The following PRKCH variants were observed in gnomAD, a reference collection of about 807,000 sequenced individuals.
PRKCH encodes protein kinase C eta.
A neutral mutation model predicts 82.5 loss-of-function variants in PRKCH; 28 were observed. The observed-to-expected ratio is 0.34, with a 90% CI of 0.25 to 0.47. The LOEUF (loss-of-function observed/expected upper bound fraction) is 0.47, where lower values mean the gene tolerates loss of function less well. Ranked by LOEUF, PRKCH falls within the 20% of genes least tolerant of loss-of-function variation. The probability of loss-of-function intolerance (pLI) is 1.00; values close to 1 mark genes in which losing one functional copy is unlikely to be tolerated. For synonymous variants in PRKCH, 322 were observed against 327.4 expected (o/e 0.98, Z 0.18); for missense variants, 705 against 881.8 (o/e 0.80, Z 2.54).
chr14:61,494,819 C>G (rs1316793037), intron 10 of PRKCH, among the ~76,000 whole-genome samples: 3 of 152,202 alleles, frequency 2.0e-5, no homozygotes, highest in African/African-American at 2.4e-5. Context: ...GAAGACCAGT[C>G]TCTATAGTAA....
rs139575457 is a variant in PRKCH, at chr14:61,532,208, A to C, written c.1761+1613A>C. On this transcript the variant is annotated intron_variant, in intron 12 of 13. Transcript: ENST00000332981. ...AGTAGTTTTAATATTTAGATGAAGG[A>C]CCCCACAGTTCATAATTCAAATTAA... Among the ~76,000 whole-genome samples the C allele has an allele frequency of 1.3e-3, 198 of 152,280 alleles. 1 individual carries two copies. Among genetic ancestry groups the C allele is most frequent in the African/African-American group, 4.6e-3 (192 of 41,566 alleles).
intron 2 of PRKCH, among the ~76,000 whole-genome samples, chr14:61,422,705 C>A (rs1403028259): frequency 1.3e-5 from 2 of 152,322 alleles, no homozygotes; most frequent in East Asian, 1.9e-4. Context: ...TCCTCCTAGA[C>A]CACTGGTTTT....
chr14:61,444,264 G>A (rs565264629), intron 3 of PRKCH, among the ~76,000 whole-genome samples: 116 of 152,228 alleles, frequency 7.6e-4, no homozygotes, highest in Middle Eastern at 6.8e-3. Flanking sequence ...GGAAAAAATT[G>A]TATTACTTTT....
intron 1 of PRKCH, among the ~76,000 whole-genome samples, chr14:61,383,592 C>T (rs751081245): frequency 3.3e-5 from 5 of 152,000 alleles, no homozygotes; most frequent in African/African-American, 7.3e-5. Context: ...CTTCTGTGCT[C>T]GGTAACCCAT....
intron 1 of PRKCH, among the ~76,000 whole-genome samples, chr14:61,330,348 G>A (rs188024653): frequency 4.6e-5 from 7 of 152,290 alleles, no homozygotes; most frequent in Admixed American, 3.3e-4. Context: ...GAGGGACATC[G>A]CAGATGCCCT....
At chr14:61,190,579 A>C (rs2044400187) in intron 1 of PRKCH, among the ~76,000 whole-genome samples, 1 of 152,176 alleles carries the variant, frequency 6.6e-6, no homozygotes, top group African/African-American at 2.4e-5. Context: ...CTTGTACTTA[A>C]TGTGAAATCT....
intron 10 of PRKCH, among the ~76,000 whole-genome samples, chr14:61,502,059 TC>T (rs1566916539): frequency 3.2e-4 from 30 of 93,028 alleles, no homozygotes; most frequent in African/African-American, 9.0e-4. Flanking sequence ...TCTTTTCTTT[TC>T]TTTTCTTTTT....
At chr14:61,341,156 C>G (rs2045926211) in intron 1 of PRKCH, among the ~76,000 whole-genome samples, 2 of 152,176 alleles carry the variant, frequency 1.3e-5, no homozygotes, top group Admixed American at 1.3e-4. Context: ...AAAGTTCAGG[C>G]TCCTGGGGAG....
chr14:61,320,489 C>T (rs1032147263), upstream of PRKCH, among the ~76,000 whole-genome samples: 1 of 152,174 alleles, frequency 6.6e-6, no homozygotes, highest in African/African-American at 2.4e-5. Flanking sequence ...ATTCCAGCTA[C>T]TCGGGAGGCT....
chr14:61,429,796 A>G (rs970290476), intron 2 of PRKCH, among the ~76,000 whole-genome samples: 26 of 151,476 alleles, frequency 1.7e-4, no homozygotes, highest in Middle Eastern at 3.4e-3. Flanking sequence ...TTAAAATTTA[A>G]CTAGTTTCTC....
At chr14:61,402,026 A>T (rs538422765) in intron 2 of PRKCH, among the ~76,000 whole-genome samples, 1 of 152,362 alleles carries the variant, frequency 6.6e-6, no homozygotes, top group Non-Finnish European at 1.5e-5. Context: ...TCAAAACATA[A>T]TTCGAATTTT....
At chr14:61,287,469 G>C (rs570945993) in intron 1 of PRKCH, among the ~76,000 whole-genome samples, 6 of 152,182 alleles carry the variant, frequency 3.9e-5, no homozygotes, top group African/African-American at 1.4e-4. Flanking sequence ...CCAGCGCTTT[G>C]AGAGGCCAAG....
At chr14:61,381,692 CG>C (rs1322754082) in intron 1 of PRKCH, among the ~76,000 whole-genome samples, 4 of 152,232 alleles carry the variant, frequency 2.6e-5, no homozygotes, top group African/African-American at 7.2e-5. Flanking sequence ...AACCATCCAG[CG>C]GCACATCAGG....
At chr14:61,235,938 T>C (rs2044784265) in intron 1 of PRKCH, among the ~76,000 whole-genome samples, 1 of 152,186 alleles carries the variant, frequency 6.6e-6, no homozygotes, top group South Asian at 2.1e-4. Context: ...TCCTCTCAGC[T>C]AAGGATATTC....
intron 1 of PRKCH, among the ~76,000 whole-genome samples, chr14:61,274,524 C>A (rs1450086894): frequency 2.0e-5 from 3 of 152,044 alleles, no homozygotes; most frequent in Non-Finnish European, 2.9e-5. Flanking sequence ...AAGCCCTGGG[C>A]CAGGGCAGTG....
At chr14:61,505,869 A>G (rs1052496571) in intron 10 of PRKCH, among the ~76,000 whole-genome samples, 1 of 152,150 alleles carries the variant, frequency 6.6e-6, no homozygotes, top group South Asian at 2.1e-4. Context: ...CCTTCAGAGT[A>G]GAGGCCAATG....
Position 61,331,544 on chromosome 14 carries a change from C to CA in PRKCH, c.363+9087dup, listed in dbSNP as rs200809347. Among the ~76,000 whole-genome samples, 68 of 152,044 alleles carry CA rather than the reference C, an allele frequency of 4.5e-4. 1 individual carries two copies. In the East Asian group the frequency reaches 0.012, roughly 26 times the overall value. The stretch of plus-strand genomic sequence containing the variant: ...TCAAAAAAAGAAACAACAACAACAA[C>CA]AAAAAAACCCCTCTTTTTATTTCGT... On this transcript the variant is annotated intron_variant, in intron 1 of 13. Coordinates refer to ENST00000332981, the MANE Select transcript of PRKCH (RefSeq NM_006255.5).
intron 9 of PRKCH, among the ~76,000 whole-genome samples, chr14:61,467,338 C>G (rs1307003325): frequency 6.6e-6 from 1 of 152,220 alleles, no homozygotes; most frequent in African/African-American, 2.4e-5. Flanking sequence ...TAGGGAGTGC[C>G]CCTCCAGCTG....
At chr14:61,457,137 T>C in intron 7 of PRKCH, 39 bp from the exon 8 acceptor site, 1 of 1,605,952 alleles carries the variant, frequency 6.2e-7, no homozygotes, top group Non-Finnish European at 8.5e-7. Flanking sequence ...TCCATGCTTC[T>C]GCTGCAATTT....
Sources: allele counts gnomAD v4.1 joint callset (sites outside exome capture counted in the v4.1 genomes callset), GRCh38; gene constraint gnomAD v4.1.1; transcripts MANE v1.5; gene names NCBI Gene and HGNC (gene_info 2026-07-23, HGNC 2026-07-21).